The following PPP3CA variants were observed in gnomAD, a reference collection of about 807,000 sequenced individuals.
PPP3CA encodes the protein protein phosphatase 3 catalytic subunit alpha.
PPP3CA carries 14 observed loss-of-function variants against 66.5 expected under a neutral mutation model. The observed-to-expected ratio is 0.21, with a 90% CI of 0.14 to 0.33. The LOEUF is 0.33. Among genes scored for constraint, PPP3CA ranks in the 10% least tolerant of loss-of-function variants. The pLI is 1.00. For synonymous variants in PPP3CA, 232 were observed against 226.2 expected (o/e 1.03, Z -0.23); for missense variants, 317 against 639.5 (o/e 0.50, Z 5.44).
intron 2 of PPP3CA, among the ~76,000 whole-genome samples, chr4:101,151,297 G>A (rs1028570927): frequency 1.3e-5 from 2 of 152,052 alleles, no homozygotes; most frequent in African/African-American, 4.8e-5. Flanking sequence ...GGGCACGGTG[G>A]CTCATGCCTG....
At chr4:101,323,903 G>A (rs965226873) in intron 1 of PPP3CA, among the ~76,000 whole-genome samples, 3 of 152,064 alleles carry the variant, frequency 2.0e-5, no homozygotes, top group Non-Finnish European at 4.4e-5. Flanking sequence ...GAGGTCAGGA[G>A]TTCAAGATCA....
intron 1 of PPP3CA, among the ~76,000 whole-genome samples, chr4:101,288,539 AGGGAGC>A (rs1355796742): frequency 7.1e-6 from 1 of 141,378 alleles, no homozygotes; most frequent in African/African-American, 2.6e-5. Flanking sequence ...AGAAGGGAGA[AGGGAGC>A]GGGAGGGGGA....
intron 1 of PPP3CA, among the ~76,000 whole-genome samples, chr4:101,252,575 T>C (rs1402955378): frequency 6.6e-6 from 1 of 152,206 alleles, no homozygotes; most frequent in Admixed American, 6.5e-5. Flanking sequence ...TAATGGTTTT[T>C]AACTATGTGC....
chr4:101,130,441 C>T (rs955033967), intron 2 of PPP3CA, among the ~76,000 whole-genome samples: 2 of 152,070 alleles, frequency 1.3e-5, no homozygotes, highest in African/African-American at 4.8e-5. Flanking sequence ...CCCTAAAACA[C>T]ATAATTGTCA....
At chr4:101,249,146 G>A (rs1560680095) in intron 1 of PPP3CA, among the ~76,000 whole-genome samples, 2 of 147,044 alleles carry the variant, frequency 1.4e-5, no homozygotes, top group Non-Finnish European at 3.0e-5. Flanking sequence ...CGGCCTGGGC[G>A]ACAGAGCGAG....
chr4:101,283,682 T>C (rs1224906517), intron 1 of PPP3CA, among the ~76,000 whole-genome samples: 1 of 152,172 alleles, frequency 6.6e-6, no homozygotes, highest in Non-Finnish European at 1.5e-5. Flanking sequence ...CAACCCAACC[T>C]ACAGTTGATT....
At position 101,064,815 on chromosome 4, in the gene PPP3CA, T is replaced by G. The variant is rs139283611; in HGVS notation, c.956-1458A>C. Among the ~76,000 whole-genome samples the G allele has an allele frequency of 5.4e-3, 825 of 152,178 alleles. 8 individuals are homozygous for G. Among genetic ancestry groups the G allele is most frequent in the Middle Eastern group, 0.034 (10 of 294 alleles). Reference sequence around the variant, plus strand: ...AGGTTGGTTTGAACAGTGCAGAGTATGGGGAGAATATATCATTTTCTGTGG... The same window carrying G: ...AGGTTGGTTTGAACAGTGCAGAGTAGGGGGAGAATATATCATTTTCTGTGG... On this transcript the variant is annotated intron_variant, in intron 8 of 13. Transcript: ENST00000394854.
intron 1 of PPP3CA, among the ~76,000 whole-genome samples, chr4:101,340,536 T>C (rs17031195): frequency 0.013 from 1,955 of 152,274 alleles, 48 homozygotes; most frequent in African/African-American, 0.045. Flanking sequence ...TAAGCCATTA[T>C]TCAGAACCCC....
intron 2 of PPP3CA, among the ~76,000 whole-genome samples, chr4:101,126,365 A>T (rs2110278646): frequency 6.6e-6 from 1 of 152,358 alleles, no homozygotes; most frequent in Admixed American, 6.5e-5. Flanking sequence ...ATCTTCGTTG[A>T]TTCAAATTCC....
chr4:101,025,003 G>A lies in PPP3CA; in HGVS notation c.*862C>T, dbSNP rs1370527294. On this transcript the variant is annotated 3_prime_UTR_variant, in exon 14 of 14. Coordinates refer to ENST00000394854, the MANE Select transcript of PPP3CA (RefSeq NM_000944.5). Reference sequence around the variant, plus strand: ...ATCACTGTACTTAATATGGTGTCTTGTTCACTATACTTAAAAATGCACCAC... The same window carrying A: ...ATCACTGTACTTAATATGGTGTCTTATTCACTATACTTAAAAATGCACCAC... 1.4e-5 allele frequency: 2 copies of A among 145,102 alleles called. No homozygotes were observed. The highest frequency in any genetic ancestry group is 3.0e-5 in the Non-Finnish European group (2 of 66,924). The allele number at this position is 145,102 out of a possible 1,614,324, so 9.0% of individuals were successfully genotyped here.
chr4:101,135,830 T>G (rs1722603952), intron 2 of PPP3CA, among the ~76,000 whole-genome samples: 1 of 152,210 alleles, frequency 6.6e-6, no homozygotes. Context: ...ACTTTCATTT[T>G]CTTCTTTCTG....
At chr4:101,307,735 T>C (rs1728592058) in intron 1 of PPP3CA, among the ~76,000 whole-genome samples, 1 of 152,326 alleles carries the variant, frequency 6.6e-6, no homozygotes, top group Non-Finnish European at 1.5e-5. Flanking sequence ...GAACACTTGG[T>C]GCCTAGTATG....
chr4:101,240,048 C>T (rs3804402), intron 1 of PPP3CA, among the ~76,000 whole-genome samples: 1 of 135,856 alleles, frequency 7.4e-6, no homozygotes, highest in Non-Finnish European at 1.5e-5. Context: ...TTGGGGGGAG[C>T]GGGGGGGAGG....
At chr4:101,071,724 A>G (rs984471192) in intron 8 of PPP3CA, among the ~76,000 whole-genome samples, 2 of 152,194 alleles carry the variant, frequency 1.3e-5, no homozygotes, top group Non-Finnish European at 2.9e-5. Flanking sequence ...TAACTCTGAC[A>G]TCTGAAATCC....
chr4:101,229,941 G>A (rs940702901), intron 1 of PPP3CA, among the ~76,000 whole-genome samples: 6 of 151,558 alleles, frequency 4.0e-5, no homozygotes, highest in Non-Finnish European at 8.9e-5. Context: ...AAAAGAGAGA[G>A]AGATATTAAA....
intron 1 of PPP3CA, among the ~76,000 whole-genome samples, chr4:101,316,975 G>A (rs1370647580): frequency 6.6e-6 from 1 of 152,088 alleles, no homozygotes; most frequent in African/African-American, 2.4e-5. Flanking sequence ...GAAGATAGAG[G>A]AAGGAGTCAT....
chr4:101,205,926 G>A (rs753305201), intron 1 of PPP3CA, among the ~76,000 whole-genome samples: 1 of 152,120 alleles, frequency 6.6e-6, no homozygotes, highest in Non-Finnish European at 1.5e-5. Flanking sequence ...GAAATATTTT[G>A]CCTGACAGTC....
chr4:101,032,514 CTTTAT>C lies in PPP3CA; in HGVS notation c.1242-155_1242-151del, dbSNP rs561194408. ...TTTTTTTAAAATTTTTTTTAACATA[CTTTAT>C]TTTAATTTATTTATATACCAGTAAT... On this transcript the variant is annotated intron_variant, in intron 11 of 13. Coordinates refer to ENST00000394854, the MANE Select transcript of PPP3CA (RefSeq NM_000944.5). 2.8e-3 allele frequency: 1,800 copies of C among 641,688 alleles called. 33 individuals are homozygous for C. In the African/African-American group the frequency reaches 0.029, roughly 10 times the overall value. The allele number at this position is 641,688 out of a possible 1,614,324, so 39.7% of individuals were successfully genotyped here. A position where few individuals can be genotyped will look rare whatever the true frequency, so the allele number is the denominator to read the frequency against.
chr4:101,305,986 T>G (rs1728524588), intron 1 of PPP3CA, among the ~76,000 whole-genome samples: 1 of 152,252 alleles, frequency 6.6e-6, no homozygotes, highest in African/African-American at 2.4e-5. Context: ...AGATTTTTTT[T>G]TTTTCTAATC....
Sources: allele counts gnomAD v4.1 joint callset (sites outside exome capture counted in the v4.1 genomes callset), GRCh38; gene constraint gnomAD v4.1.1; transcripts MANE v1.5; gene names NCBI Gene and HGNC (gene_info 2026-07-23, HGNC 2026-07-21).